The following ME3 variants were observed in gnomAD, a reference collection of about 807,000 sequenced individuals.
ME3 encodes malic enzyme 3.
A neutral mutation model predicts 68.9 loss-of-function variants in ME3; 48 were observed. That is an observed-to-expected ratio of 0.70 (90% CI 0.55 to 0.89). ME3 has a LOEUF of 0.89. Among genes scored for constraint, ME3 ranks in the 40% least tolerant of loss-of-function variants. The pLI is 0.00. For missense variants in ME3, 675 were observed against 797.4 expected (o/e 0.85, Z 1.85); for synonymous variants, 320 against 318.8 (o/e 1.00, Z -0.04).
At chr11:86,671,900 C>G (rs1234719662) in exon 2 of ME3, 3 of 1,470,816 alleles carry the variant, frequency 2.0e-6, no homozygotes, top group African/African-American at 2.9e-5. Flanking sequence ...AGGCCCGGCC[C>G]GGCCAGGGAG....
At chr11:86,520,360 G>T (rs1019221337) in intron 4 of ME3, among the ~76,000 whole-genome samples, 1 of 152,316 alleles carries the variant, frequency 6.6e-6, no homozygotes, top group East Asian at 1.9e-4. Flanking sequence ...TTTGCGCCAG[G>T]CATTGTGCTG....
At chr11:86,614,830 C>G (rs1390025106) in intron 2 of ME3, among the ~76,000 whole-genome samples, 2 of 152,170 alleles carry the variant, frequency 1.3e-5, no homozygotes, top group Non-Finnish European at 1.5e-5. Flanking sequence ...TTCTCTGATA[C>G]TGGTATTATT....
chr11:86,510,398 T>C (rs76656480), intron 4 of ME3, among the ~76,000 whole-genome samples: 6,771 of 152,270 alleles, frequency 0.044, 158 homozygotes, highest in South Asian at 0.099. Context: ...CTTCTCAGTC[T>C]CTTATGTTGG....
At chr11:86,540,169 G>A (rs1458133771) in intron 4 of ME3, among the ~76,000 whole-genome samples, 1 of 152,250 alleles carries the variant, frequency 6.6e-6, no homozygotes, top group African/African-American at 2.4e-5. Flanking sequence ...ACAGGGAATA[G>A]AGGCCCCGAG....
rs181288972 is a variant in ME3, at chr11:86,658,060, C to T, written c.183+13702G>A. ...CTCAGGATATGCCTCATATATGAGG[C>T]GGTCTTTAAGGAAGAAGAGGCCATG... On this transcript the variant is annotated intron_variant, in intron 2 of 14. Coordinates refer to ENST00000543262, the Ensembl canonical transcript of ME3. Among the ~76,000 whole-genome samples the T allele has an allele frequency of 1.6e-4, 24 of 152,014 alleles. 1 individual carries two copies. Among genetic ancestry groups the T allele is most frequent in the Middle Eastern group, 6.8e-3 (2 of 294 alleles).
At chr11:86,516,942 A>T (rs1288233985) in intron 4 of ME3, among the ~76,000 whole-genome samples, 1 of 152,178 alleles carries the variant, frequency 6.6e-6, no homozygotes, top group Non-Finnish European at 1.5e-5. Context: ...CTTTGGGTTA[A>T]GTAGGCAGAG....
chr11:86,473,578 A>C (rs1036507909), intron 7 of ME3, among the ~76,000 whole-genome samples: 1 of 152,114 alleles, frequency 6.6e-6, no homozygotes, highest in Non-Finnish European at 1.5e-5. Flanking sequence ...CCTGAGAGCT[A>C]GGAGGAGGTG....
chr11:86,588,097 G>A (rs954588591), intron 2 of ME3, among the ~76,000 whole-genome samples: 1 of 152,172 alleles, frequency 6.6e-6, no homozygotes, highest in Non-Finnish European at 1.5e-5. Flanking sequence ...CTTACTATGT[G>A]CCAGGCATTG....
At chr11:86,496,143 A>G (rs1213258674) in intron 6 of ME3, among the ~76,000 whole-genome samples, 1 of 152,080 alleles carries the variant, frequency 6.6e-6, no homozygotes, top group Non-Finnish European at 1.5e-5. Context: ...CAGTGGCTCA[A>G]GTCTGCAATC....
intron 2 of ME3, among the ~76,000 whole-genome samples, chr11:86,563,126 A>G (rs190017358): frequency 6.6e-6 from 1 of 152,298 alleles, no homozygotes; most frequent in East Asian, 1.9e-4. Flanking sequence ...CACAGTGATG[A>G]ACATACAAGT....
At chr11:86,443,037 C>T (rs1215282017) in intron 13 of ME3, 118 bp from the exon 14 acceptor site, 2 of 685,628 alleles carry the variant, frequency 2.9e-6, no homozygotes, top group African/African-American at 3.6e-5. Context: ...CACTGCAGTT[C>T]CAACTGTTGA....
chr11:86,610,476 G>T (rs1942481147), intron 2 of ME3, among the ~76,000 whole-genome samples: 1 of 152,162 alleles, frequency 6.6e-6, no homozygotes, highest in Non-Finnish European at 1.5e-5. Context: ...AGCAAATGTG[G>T]AAATCAGTGC....
At chr11:86,659,151 T>C (rs1381537106) in intron 2 of ME3, among the ~76,000 whole-genome samples, 1 of 152,180 alleles carries the variant, frequency 6.6e-6, no homozygotes, top group Non-Finnish European at 1.5e-5. Context: ...CACACAGTCA[T>C]CAGAAACGGA....
intron 2 of ME3, among the ~76,000 whole-genome samples, chr11:86,563,337 G>T (rs1039316408): frequency 1.3e-5 from 2 of 152,002 alleles, no homozygotes; most frequent in African/African-American, 2.4e-5. Flanking sequence ...AGTATCTGTT[G>T]TTTATTGACT....
In ME3 at chr11:86,503,965, G is replaced by C. The variant is rs547061319; in HGVS notation, c.543+4827C>G. On this transcript the variant is annotated intron_variant, in intron 5 of 14. Coordinates refer to ENST00000543262, the Ensembl canonical transcript of ME3. The stretch of plus-strand genomic sequence containing the variant: ...GTTCTCACTCCTCTTTGTGATTTAC[G>C]CTGGACAGCTCAAGGCAGCCTGGCC... 7.2e-5 allele frequency among the ~76,000 whole-genome samples: 11 copies of C among 152,280 alleles called. No homozygotes were observed. The East Asian group carries it at 1.9e-3, about 27-fold the overall frequency.
chr11:86,447,135 A>G, exon 12 of ME3: 2 of 1,614,148 alleles, frequency 1.2e-6, no homozygotes, highest in Non-Finnish European at 1.7e-6. Flanking sequence ...GGCAAAGATG[A>G]TAGGGCGCTC....
chr11:86,672,289 G>A (rs1386856264), intron 1 of ME3, 35 bp downstream of exon 1: 2 of 244,180 alleles, frequency 8.2e-6, no homozygotes, highest in East Asian at 8.0e-5. Context: ...ATCCCGCGTG[G>A]TGGCTTGCCT....
chr11:86,568,046 C>T (rs1052508031), intron 2 of ME3, among the ~76,000 whole-genome samples: 12 of 75,472 alleles, frequency 1.6e-4, no homozygotes, highest in South Asian at 7.5e-4. Context: ...TGAGAAGTTA[C>T]AGTTTCCGTG....
At chr11:86,638,096 G>C (rs188246635) in intron 2 of ME3, among the ~76,000 whole-genome samples, 14 of 152,086 alleles carry the variant, frequency 9.2e-5, no homozygotes, top group African/African-American at 3.4e-4. Flanking sequence ...AGGCCTGGCT[G>C]TGCCTCCCCA....
Sources: gnomAD v4.1 joint callset for allele counts (sites outside exome capture counted in the v4.1 genomes callset) on GRCh38, gnomAD v4.1.1 for gene constraint, MANE v1.5 for transcripts, NCBI Gene and HGNC (gene_info 2026-07-23, HGNC 2026-07-21) for gene names.